PADI6: variants seen among roughly 807,000 people sequenced by gnomAD.
PADI6 encodes the protein inactive protein-arginine deiminase type-6.
In PADI6, 66 loss-of-function variants were observed where a neutral mutation model predicts 78.2. The observed-to-expected ratio is 0.84, with a 90% CI of 0.69 to 1.04. PADI6 has a LOEUF of 1.04. Ranked by LOEUF, PADI6 falls within the 50% of genes least tolerant of loss-of-function variation. The probability of loss-of-function intolerance (pLI) is 0.00; values close to 1 mark genes in which losing one functional copy is unlikely to be tolerated. For missense variants in PADI6, 854 were observed against 866.1 expected, an observed-to-expected ratio of 0.99 and a Z score of 0.18; for synonymous variants, 397 against 346.9, an observed-to-expected ratio of 1.14 and a Z score of -1.60.
rs1394584800 is a variant in PADI6, at chr1:17,398,111, T to G, written c.1690-575T>G. On this transcript the variant is annotated intron_variant, in intron 14 of 15. Transcript: ENST00000619609. ...GGGTAATTTCTTGGCTGAGGTTGCA[T>G]GGTCAGCAAAACTGCTTCTCTCACT... is the stretch of plus-strand genomic sequence containing the variant. Among the ~76,000 whole-genome samples the G allele has an allele frequency of 2.0e-5, 3 of 152,208 alleles. No individual in the cohort carries two copies. In the East Asian group the frequency reaches 5.8e-4, roughly 29 times the overall value.
chr1:17,376,617 C>A (rs1203147439), intron 3 of PADI6, among the ~76,000 whole-genome samples: 1 of 151,618 alleles, frequency 6.6e-6, no homozygotes. Context: ...CCAGGCTGGT[C>A]TCAATCTCCT....
chr1:17,393,754 C>T (rs995865390), intron 9 of PADI6, among the ~76,000 whole-genome samples: 13 of 151,984 alleles, frequency 8.6e-5, no homozygotes, highest in East Asian at 3.9e-4. Flanking sequence ...GGATTGCAGG[C>T]GTGAGCCACC....
Position 17,388,804 on chromosome 1 carries a change from G to A in PADI6, c.886G>A (p.Asp296Asn). ...PSIPETVLYK[D>N]TVVFRVAPCV... is the part of the protein sequence containing the mutation. ...AATTCCAGAGACTGTGCTGTACAAA[G>A]ACACGGTGGTGTTCCGGGTGGCTCC... Residue 296 changes from aspartate to asparagine, a missense_variant, in exon 8 of 16, where the codon GAC becomes AAC. Physicochemically the swap from Asp to Asn is conservative, Grantham distance 23 (BLOSUM62 1). Transcript: ENST00000619609. 6.2e-7 allele frequency: 1 copy of A among 1,613,790 alleles called. No individual in the cohort carries two copies. Among genetic ancestry groups the A allele is most frequent in the Non-Finnish European group, 8.5e-7 (1 of 1,179,830 alleles).
chr1:17,387,792 A>G (rs186294209), intron 6 of PADI6, among the ~76,000 whole-genome samples: 1 of 152,246 alleles, frequency 6.6e-6, no homozygotes, highest in East Asian at 1.9e-4. Flanking sequence ...GACAACCACC[A>G]CGTGTGGTCA....
chr1:17,392,069 G>C lies in PADI6; in HGVS notation c.963-45G>C, dbSNP rs2075190378. On this transcript the variant is annotated intron_variant, in intron 8 of 15. Transcript: ENST00000619609. ...GCACAAGGAGGTCATAACCAGTAAG[G>C]GACCTTCGAAAGCCTTCCCAGAACT... The C allele has an allele frequency of 2.0e-6, 3 of 1,489,784 alleles. No individual in the cohort carries two copies. The East Asian group carries it at 7.4e-5, about 37-fold the overall frequency. The allele number at this position is 1,489,784 out of a possible 1,614,324, so 92.3% of individuals were successfully genotyped here. A position where few individuals can be genotyped will look rare whatever the true frequency, so the allele number is the denominator to read the frequency against.
chr1:17,376,844 T>C (rs896179171), intron 3 of PADI6, among the ~76,000 whole-genome samples: 1 of 151,886 alleles, frequency 6.6e-6, no homozygotes, highest in African/African-American at 2.4e-5. Context: ...AAGTTTTTGG[T>C]TTGTGTGGGT....
rs556184323 is a variant in PADI6, at chr1:17,388,558, C to T, written c.857C>T (p.Pro286Leu). ...TCCCTGGTGGAGGAGTCTCAAGACC[C>T]GGTATGTCCCCATAATAGATGGGTC... The part of the protein sequence containing the change: ...SVSLVEESQD[P>L]SIPETVLYKD... Residue 286 changes from proline (P) to leucine (L), a missense_variant and splice_region_variant, in exon 7 of 16, where the codon CCG (proline) becomes CTG (leucine). Pro to Leu is a moderately conservative substitution (Grantham distance 98). Transcript: ENST00000619609. The T allele has an allele frequency of 4.2e-5, 67 of 1,606,136 alleles. 1 individual carries two copies. The highest frequency in any genetic ancestry group is 2.0e-4 in the Admixed American group (12 of 59,738).
intron 14 of PADI6, among the ~76,000 whole-genome samples, chr1:17,398,003 T>C (rs2075263047): frequency 6.6e-6 from 1 of 152,092 alleles, no homozygotes; most frequent in African/African-American, 2.4e-5. Context: ...GTCACCAAAC[T>C]TCAGAGATCT....
In PADI6 at chr1:17,373,167, C is replaced by T. The variant is rs111274759; in HGVS notation, c.228C>T (p.Pro76=). The change falls in exon 2 of 16, where the codon CCC becomes CCT. Residue 76 remains proline, a synonymous_variant. Transcript: ENST00000619609. ...AGGAGGACGCCACCATCTGGTGGCCCCTGTCTGATCCCACGTACGCCACAG... is the reference window on the plus strand; with the variant it reads ...AGGAGGACGCCACCATCTGGTGGCCTCTGTCTGATCCCACGTACGCCACAG... ...SEKEDATIWW[P]LSDPTYATVK... 4 of 1,613,948 alleles carry T rather than the reference C, an allele frequency of 2.5e-6. No homozygotes were observed. In the African/African-American group the frequency reaches 4.0e-5, roughly 16 times the overall value.
chr1:17,372,285 A>G lies in PADI6; in HGVS notation c.40A>G (p.Ile14Val), dbSNP rs1240204119. The G allele has an allele frequency of 6.2e-7, 1 of 1,613,924 alleles. No homozygotes were observed. Among genetic ancestry groups the G allele is most frequent in the African/African-American group, 1.3e-5 (1 of 75,026 alleles). The change falls in exon 1 of 16, where the codon ATC becomes GTC. Residue 14 changes from isoleucine (I) to valine (V), a missense_variant. Ile to Val is a conservative substitution (Grantham distance 29, BLOSUM62 3). Coordinates refer to ENST00000619609, the MANE Select transcript of PADI6 (RefSeq NM_207421.4). Reference protein sequence around the residue: ...VEGRAMSFQSIIHLSLDSPVH... With the variant: ...VEGRAMSFQSVIHLSLDSPVH... Reference sequence around the variant, plus strand: ...GGGCCGAGCCATGTCCTTCCAGAGTATCATCCACCTGTCCCTGGACAGCCC... The same window carrying G: ...GGGCCGAGCCATGTCCTTCCAGAGTGTCATCCACCTGTCCCTGGACAGCCC...
In PADI6 at chr1:17,399,738, G is replaced by A. The variant is rs76740898; in HGVS notation, c.1851+891G>A. ...TGAGACCCTGCAACTTTAAAAAAAA[G>A]AAAAAAAAAATGCTGGGGCCAGGGT... On this transcript the variant is annotated intron_variant, in intron 15 of 15. Coordinates refer to ENST00000619609, the MANE Select transcript of PADI6 (RefSeq NM_207421.4). Among the ~76,000 whole-genome samples the A allele has an allele frequency of 2.8e-3, 338 of 122,760 alleles. 2 individuals carry two copies. The Middle Eastern group carries it at 0.035, about 13-fold the overall frequency. The allele number at this position is 122,760 out of a possible 152,430, so 80.5% of individuals were successfully genotyped here.
chr1:17,375,368 T>C, intron 2 of PADI6, 59 bp from the exon 3 acceptor site: 1 of 1,478,408 alleles, frequency 6.8e-7, no homozygotes, highest in Non-Finnish European at 9.3e-7. Context: ...GGCCTGGGGC[T>C]CTGTTCCTGG....
intron 6 of PADI6, among the ~76,000 whole-genome samples, chr1:17,387,736 G>A (rs930324810): frequency 1.2e-4 from 18 of 152,288 alleles, no homozygotes; most frequent in East Asian, 1.9e-4. Flanking sequence ...GGGCGACAGA[G>A]CAAGACTCCC....
At chr1:17,391,802 G>A (rs549020005) in intron 8 of PADI6, among the ~76,000 whole-genome samples, 13 of 152,326 alleles carry the variant, frequency 8.5e-5, no homozygotes, top group African/African-American at 2.2e-4. Context: ...GTGACAGAAC[G>A]AAAGGAAGGG....
intron 15 of PADI6, among the ~76,000 whole-genome samples, 190 bp from the exon 16 acceptor site, chr1:17,401,015 G>A (rs2075296437): frequency 6.6e-6 from 1 of 152,244 alleles, no homozygotes; most frequent in Middle Eastern, 3.2e-3. Context: ...ACCTTGGCCA[G>A]GCAGGATTTT....
At position 17,401,192 on chromosome 1, in the gene PADI6, G is replaced by A. The variant is rs773730527; in HGVS notation, c.1852-13G>A. ...TCCCTGTCCAGGCCTCACCCACCCT[G>A]TCTTTCTAACAGTTGCGGATGATTG... is the stretch of plus-strand genomic sequence containing the variant. On this transcript the variant is annotated splice_polypyrimidine_tract_variant and intron_variant, in intron 15 of 15. Coordinates refer to ENST00000619609, the MANE Select transcript of PADI6 (RefSeq NM_207421.4). 9.3e-6 allele frequency: 15 copies of A among 1,613,080 alleles called. No individual in the cohort carries two copies. The highest frequency in any genetic ancestry group is 1.3e-5 in the Non-Finnish European group (15 of 1,179,224).
In PADI6 at chr1:17,373,214, C is replaced by T; in HGVS notation, c.275C>T (p.Pro92Leu). 1.9e-6 allele frequency: 3 copies of T among 1,613,964 alleles called. No individual in the cohort carries two copies. Among genetic ancestry groups the T allele is most frequent in the Non-Finnish European group, 2.5e-6 (3 of 1,179,850 alleles). Reference protein sequence around the residue: ...YATVKMTSPSPSVDADKVSVT... With the variant: ...YATVKMTSPSLSVDADKVSVT... ...ACAGTGAAGATGACATCGCCCAGCC[C>T]TTCCGTGGATGCGGATAAGGTAAGC... is the stretch of plus-strand genomic sequence containing the variant. Residue 92 changes from proline to leucine, a missense_variant, in exon 2 of 16, where the codon CCT becomes CTT. Physicochemically the swap from Pro to Leu is moderately conservative, Grantham distance 98. Coordinates refer to ENST00000619609, the MANE Select transcript of PADI6 (RefSeq NM_207421.4).
chr1:17,373,449 A>G (rs1397439734), intron 2 of PADI6, among the ~76,000 whole-genome samples: 1 of 152,136 alleles, frequency 6.6e-6, no homozygotes, highest in African/African-American at 2.4e-5. Flanking sequence ...TGCCCTGCCA[A>G]GTCAGCAACC....
chr1:17,387,948 G>T (rs1045264131), intron 6 of PADI6, among the ~76,000 whole-genome samples: 9 of 152,204 alleles, frequency 5.9e-5, no homozygotes, highest in African/African-American at 2.2e-4. Context: ...GGTTCTCACT[G>T]ACCTTTCTAG....
Sources: allele counts gnomAD v4.1 joint callset (sites outside exome capture counted in the v4.1 genomes callset), GRCh38; gene constraint gnomAD v4.1.1; transcripts MANE v1.5; gene names NCBI Gene and HGNC (gene_info 2026-07-23, HGNC 2026-07-21).